SRPK1: variants seen among roughly 807,000 people sequenced by gnomAD.
SRPK1 encodes the protein SRSF protein kinase 1.
In SRPK1, 52 loss-of-function variants were observed where a neutral mutation model predicts 89.5. That is an observed-to-expected ratio of 0.58 (90% CI 0.46 to 0.73). The LOEUF (loss-of-function observed/expected upper bound fraction) is 0.73. SRPK1 is among the 30% of genes least tolerant of loss of function. SRPK1 has a pLI of 0.00. For missense variants in SRPK1, 603 were observed against 780.6 expected, an observed-to-expected ratio of 0.77 and a Z score of 2.71; for synonymous variants, 255 against 270.2, an observed-to-expected ratio of 0.94 and a Z score of 0.55.
intron 1 of SRPK1, 193 bp downstream of exon 1, chr6:35,920,851 C>T: frequency 1.8e-6 from 1 of 549,716 alleles, no homozygotes. Context: ...ACGGCCGGCG[C>T]CAGAGGACGC....
intron 2 of SRPK1, 122 bp downstream of exon 2, chr6:35,920,346 C>A (rs2127274205): frequency 9.5e-7 from 1 of 1,051,538 alleles, no homozygotes; most frequent in African/African-American, 1.6e-5. Context: ...CGAGCTGCCC[C>A]GAGGCCATGT....
chr6:35,898,090 C>A (rs756021259), intron 2 of SRPK1, among the ~76,000 whole-genome samples: 2 of 152,146 alleles, frequency 1.3e-5, no homozygotes. Flanking sequence ...TATAACAGCA[C>A]AATTCTCAAT....
At chr6:35,905,195 G>A (rs773932664) in intron 2 of SRPK1, among the ~76,000 whole-genome samples, 11 of 152,026 alleles carry the variant, frequency 7.2e-5, no homozygotes, top group Non-Finnish European at 1.6e-4. Flanking sequence ...AAACAATCTG[G>A]AGAATCACAT....
intron 6 of SRPK1, among the ~76,000 whole-genome samples, chr6:35,874,794 T>C (rs1770118537): frequency 6.6e-6 from 1 of 152,230 alleles, no homozygotes; most frequent in Admixed American, 6.5e-5. Context: ...GAGATGAATG[T>C]ACAAGAAAGA....
chr6:35,890,164 G>A lies in SRPK1; in HGVS notation c.193+731C>T, dbSNP rs371162529. On this transcript the variant is annotated intron_variant, in intron 3 of 15. Transcript: ENST00000373825. ...TAGCCAGGCGTGGTGGTGGGTGCCTGAGGCACAAGAATCGCTTGAATCCAG... is the reference window on the plus strand; with the variant it reads ...TAGCCAGGCGTGGTGGTGGGTGCCTAAGGCACAAGAATCGCTTGAATCCAG... Among the ~76,000 whole-genome samples the A allele has an allele frequency of 7.9e-5, 12 of 152,238 alleles. No homozygotes were observed. The East Asian group carries it at 2.3e-3, about 30-fold the overall frequency.
chr6:35,886,990 A>G (rs1293874230), intron 5 of SRPK1, among the ~76,000 whole-genome samples, 179 bp from the exon 6 acceptor site: 2 of 152,250 alleles, frequency 1.3e-5, no homozygotes, highest in African/African-American at 4.8e-5. Context: ...TCAATTCATA[A>G]GAGGAAATAC....
At position 35,921,025 on chromosome 6, in the gene SRPK1, A is replaced by T. The variant is rs558917371; in HGVS notation, c.13+19T>A. 1.7e-5 allele frequency: 26 copies of T among 1,542,852 alleles called. No individual in the cohort carries two copies. The highest frequency in any genetic ancestry group is 2.3e-5 in the Non-Finnish European group (26 of 1,147,122). On this transcript the variant is annotated intron_variant, in intron 1 of 15. Transcript: ENST00000373825. ...CGGCGACCATTGCCCCTCGTGGCGG[A>T]GGCCGCTCCACCGCTCACCTTTCCG... is the stretch of plus-strand genomic sequence containing the variant.
chr6:35,864,707 G>T (rs1285460282), intron 12 of SRPK1, among the ~76,000 whole-genome samples: 3 of 152,146 alleles, frequency 2.0e-5, no homozygotes, highest in Non-Finnish European at 4.4e-5. Context: ...TCAAACGAAA[G>T]GAAATCTGTA....
At chr6:35,882,186 A>C (rs1023937606) in intron 6 of SRPK1, among the ~76,000 whole-genome samples, 3 of 150,534 alleles carry the variant, frequency 2.0e-5, no homozygotes, top group Non-Finnish European at 3.0e-5. Flanking sequence ...AAGAAGAAGA[A>C]GACAAAAAGA....
At chr6:35,916,003 C>T (rs1351775850) in intron 2 of SRPK1, among the ~76,000 whole-genome samples, 1,229 of 48,310 alleles carry the variant, frequency 0.025, 25 homozygotes, top group Middle Eastern at 0.056. Flanking sequence ...TATATACACA[C>T]ACACACACAC....
At chr6:35,843,399 CTT>C (rs1769359757) in intron 13 of SRPK1, among the ~76,000 whole-genome samples, 1 of 151,830 alleles carries the variant, frequency 6.6e-6, no homozygotes, top group South Asian at 2.1e-4. Context: ...ACATCATTAA[CTT>C]TTGCATAGGA....
intron 1 of SRPK1, 155 bp downstream of exon 1, chr6:35,920,889 C>G: frequency 1.3e-6 from 1 of 761,734 alleles, no homozygotes; most frequent in Non-Finnish European, 1.9e-6. Context: ...GACCCGCAGC[C>G]CAGAGGCAGG....
chr6:35,890,982 G>A lies in SRPK1; in HGVS notation c.106C>T (p.His36Tyr). 1 of 1,552,890 alleles carries A rather than the reference G, an allele frequency of 6.4e-7. No homozygotes were observed. The highest frequency in any genetic ancestry group is 8.7e-7 in the Non-Finnish European group (1 of 1,147,282). The change falls in exon 3 of 16, where the codon CAC (histidine) becomes TAC (tyrosine). Residue 36 changes from histidine (H) to tyrosine (Y), a missense_variant. Coordinates refer to ENST00000373825, the MANE Select transcript of SRPK1 (RefSeq NM_003137.5). ...SETQHRGSAP[H>Y]SESDLPEQEE... The stretch of plus-strand genomic sequence containing the variant: ...TGCTCTGGTAGATCACTCTCAGAGT[G>A]GGGAGCAGAGCCTCGGTGCTGAGTT...
intron 6 of SRPK1, among the ~76,000 whole-genome samples, chr6:35,880,076 GA>G (rs34517286): frequency 0.012 from 1,110 of 95,840 alleles, 18 homozygotes; most frequent in African/African-American, 0.035. Flanking sequence ...CCTTGTCTCA[GA>G]AAAAAAAAAA....
rs1210715734 is a variant in SRPK1, at chr6:35,857,371, G to A, written c.1513-3C>T. On this transcript the variant is annotated splice_region_variant and splice_polypyrimidine_tract_variant and intron_variant, in intron 12 of 15. Transcript: ENST00000373825. ...ATATCTTCAGTGAAATGTTTGTGCT[G>A]AGAAAATGAAGGAAACAATATTTTA... 6.3e-7 allele frequency: 1 copy of A among 1,598,388 alleles called. No individual in the cohort carries two copies. The highest frequency in any genetic ancestry group is 1.7e-5 in the Admixed American group (1 of 58,282).
rs1165942553 is a variant in SRPK1 at position 35,880,035 on chromosome 6, T to C, written c.479-5696A>G. On this transcript the variant is annotated intron_variant, in intron 6 of 15. Transcript: ENST00000373825. ...GTGTTCGCACCACGGCACTCCAGCC[T>C]GGGTGGTGTGAAGACCTTGACAGAG... Among the ~76,000 whole-genome samples the C allele has an allele frequency of 3.5e-5, 5 of 141,592 alleles. No individual in the cohort carries two copies. The Admixed American group carries it at 3.7e-4, about 11-fold the overall frequency. The allele number at this position is 141,592 out of a possible 152,430, so 92.9% of individuals were successfully genotyped here. A position where few individuals can be genotyped will look rare whatever the true frequency, so the allele number is the denominator to read the frequency against.
intron 2 of SRPK1, among the ~76,000 whole-genome samples, chr6:35,892,611 C>T (rs968710045): frequency 1.3e-5 from 2 of 151,708 alleles, no homozygotes; most frequent in African/African-American, 2.4e-5. Flanking sequence ...GAAATCGCGT[C>T]GTTGCACTCC....
At chr6:35,882,708 C>T (rs1330060093) in intron 6 of SRPK1, among the ~76,000 whole-genome samples, 3 of 152,162 alleles carry the variant, frequency 2.0e-5, no homozygotes, top group Admixed American at 6.5e-5. Context: ...ACAAGATTGG[C>T]TATAAGTTGA....
intron 2 of SRPK1, among the ~76,000 whole-genome samples, chr6:35,896,949 C>A (rs181447191): frequency 5.5e-4 from 84 of 152,236 alleles, no homozygotes; most frequent in African/African-American, 1.8e-3. Context: ...CTAAGAGAAG[C>A]CAGTTACAAA....
Sources: allele counts gnomAD v4.1 joint callset (sites outside exome capture counted in the v4.1 genomes callset), GRCh38; gene constraint gnomAD v4.1.1; transcripts MANE v1.5; gene names NCBI Gene and HGNC (gene_info 2026-07-23, HGNC 2026-07-21).